The following SYT2 variants were observed in gnomAD, a reference collection of about 807,000 sequenced individuals.
The protein encoded by SYT2 is synaptotagmin-2.
SYT2 carries 15 observed loss-of-function variants against 39.9 expected under a neutral mutation model. That is an observed-to-expected ratio of 0.38 (90% CI 0.25 to 0.58). The LOEUF is 0.58. Among genes scored for constraint, SYT2 ranks in the 20% least tolerant of loss-of-function variants. SYT2 has a pLI of 0.70. For synonymous variants in SYT2, 181 were observed against 204.5 expected, an observed-to-expected ratio of 0.89 and a Z score of 0.98; for missense variants, 389 against 530.3, an observed-to-expected ratio of 0.73 and a Z score of 2.62.
chr1:202,640,784 GA>G (rs1691892465), intron 1 of SYT2, among the ~76,000 whole-genome samples: 1 of 128,208 alleles, frequency 7.8e-6, no homozygotes, highest in South Asian at 2.4e-4. Context: ...GAGAGAGAGA[GA>G]GAGAGAGACA....
intron 1 of SYT2, among the ~76,000 whole-genome samples, chr1:202,700,303 T>C (rs1654079701): frequency 6.6e-6 from 1 of 152,166 alleles, no homozygotes; most frequent in South Asian, 2.1e-4. Flanking sequence ...ATACAGAGAA[T>C]GCCCCCAGGT....
At position 202,596,963 on chromosome 1, in the gene SYT2, T is replaced by C. The variant is rs777807674; in HGVS notation, c.1054A>G (p.Lys352Glu). The change falls in exon 9 of 9, where the codon AAA becomes GAA. Residue 352 changes from lysine to glutamate, a missense_variant and splice_region_variant. By Grantham distance (56) the Lys-to-Glu change is moderately conservative. Transcript: ENST00000367268. ...AGCACGGTGACCACTACCTGGACTT[T>C]CTGCAAGGAAAACGAGGGAGGGAGT... ...SFEIPFEQIQ[K>E]VQVVVTVLDY... 1.1e-5 allele frequency: 18 copies of C among 1,612,222 alleles called. No homozygotes were observed. The highest frequency in any genetic ancestry group is 4.4e-5 in the South Asian group (4 of 91,004).
In SYT2 at chr1:202,674,512, CAT is replaced by C. The variant is rs565907475; in HGVS notation, c.-18+35744_-18+35745del. ...TGTGTAATATGATGTGATATGTACA[CAT>C]GTGTGAATATAGAAATATGAGCTTT... On this transcript the variant is annotated intron_variant, in intron 1 of 8. Transcript: ENST00000367268. Among the ~76,000 whole-genome samples the C allele has an allele frequency of 2.4e-3, 365 of 152,268 alleles. 1 individual carries two copies. Among genetic ancestry groups the C allele is most frequent in the African/African-American group, 5.5e-3 (228 of 41,534 alleles).
chr1:202,646,259 C>A (rs1440766207), intron 1 of SYT2, among the ~76,000 whole-genome samples: 1 of 152,218 alleles, frequency 6.6e-6, no homozygotes, highest in African/African-American at 2.4e-5. Context: ...CTCACTGTCT[C>A]CTTGCAGGGC....
rs58376514 is a variant in SYT2, at chr1:202,596,268, GACACACACACACACACAC to G, written c.*471_*488del. The G allele has an allele frequency of 5.4e-3, 642 of 119,578 alleles. 11 individuals carry two copies. The highest frequency in any genetic ancestry group is 0.019 in the African/African-American group (614 of 32,852). The allele number at this position is 119,578 out of a possible 1,614,324, so 7.4% of individuals were successfully genotyped here. The stretch of plus-strand genomic sequence containing the variant: ...CCAGGAATGAAGAGAAATGCTCAAA[GACACACACACACACACAC>G]ACACACACACACACACACACATACA... On this transcript the variant is annotated 3_prime_UTR_variant, in exon 9 of 9. Transcript: ENST00000367268.
intron 1 of SYT2, among the ~76,000 whole-genome samples, chr1:202,624,678 TTAG>T (rs936284305): frequency 5.3e-4 from 25 of 47,378 alleles, no homozygotes; most frequent in Middle Eastern, 0.029. Flanking sequence ...TGTGTGGTGT[TTAG>T]TAGTGTGTGT....
rs1558463272 is a variant in SYT2 at position 202,691,713 on chromosome 1, GAGGGAGAGGGAGAGGGGGGGAGAGA to G, written c.-18+18520_-18+18544del. 2.4e-4 allele frequency among the ~76,000 whole-genome samples: 14 copies of G among 59,168 alleles called. 1 individual carries two copies. The South Asian group carries it at 3.5e-3, about 15-fold the overall frequency. 38.8% of individuals were successfully genotyped at this position (59,168 alleles called of 152,430 possible). A position where few individuals can be genotyped will look rare whatever the true frequency, so the allele number is the denominator to read the frequency against. ...AGAGGGAGAGGGAGAGGGAGAGGGAGAGGGAGAGGGAGAGGGGGGGAGAGAGAGAGAGAGAGAGAGAGAGAGAGAG... is the reference window on the plus strand; with the variant it reads ...AGAGGGAGAGGGAGAGGGAGAGGGAGGAGAGAGAGAGAGAGAGAGAGAGAG... On this transcript the variant is annotated intron_variant, in intron 1 of 8. Coordinates refer to ENST00000367268, the MANE Select transcript of SYT2 (RefSeq NM_177402.5).
Position 202,601,923 on chromosome 1 carries a change from C to A in SYT2, c.768G>T (p.Glu256Asp), listed in dbSNP as rs148164573. 2 of 1,614,068 alleles carry A rather than the reference C, an allele frequency of 1.2e-6. No homozygotes were observed. The highest frequency in any genetic ancestry group is 1.7e-6 in the Non-Finnish European group (2 of 1,180,030). ...TTTCCCCGCCTTGCAGGTCTCTCCACTCCTCAATGGGCTGGCCGAGGTCCA... is the reference window on the plus strand; with the variant it reads ...TTTCCCCGCCTTGCAGGTCTCTCCAATCCTCAATGGGCTGGCCGAGGTCCA... ...NTVDLGQPIE[E>D]WRDLQGGEKE... Residue 256 changes from glutamate to aspartate, a missense_variant, in exon 6 of 9, where the codon GAG becomes GAT. Physicochemically the swap from Glu to Asp is conservative, Grantham distance 45. Coordinates refer to ENST00000367268, the MANE Select transcript of SYT2 (RefSeq NM_177402.5). The surrounding 1 kb of genome is among the most constrained non-coding windows in gnomAD (Gnocchi z 4.0).
At chr1:202,665,614 T>TG (rs55830845) in intron 1 of SYT2, among the ~76,000 whole-genome samples, 2,417 of 152,274 alleles carry the variant, frequency 0.016, 35 homozygotes, top group Middle Eastern at 0.044. Flanking sequence ...GTGGGGTCAT[T>TG]GCTTCATGAA....
chr1:202,680,653 A>C (rs1653501907), intron 1 of SYT2, among the ~76,000 whole-genome samples: 1 of 152,176 alleles, frequency 6.6e-6, no homozygotes, highest in Non-Finnish European at 1.5e-5. Context: ...CTACTTAACC[A>C]CACAATTGGC....
At chr1:202,658,731 T>C (rs531307614) in intron 1 of SYT2, among the ~76,000 whole-genome samples, 15 of 151,958 alleles carry the variant, frequency 9.9e-5, no homozygotes, top group African/African-American at 3.4e-4. Context: ...AGCCAAATGC[T>C]TTAAAAAAGG....
intron 2 of SYT2, 92 bp downstream of exon 2, chr1:202,605,503 C>T: frequency 1.6e-6 from 2 of 1,264,164 alleles, no homozygotes; most frequent in Non-Finnish European, 2.2e-6. Flanking sequence ...GGAAAGAGCC[C>T]AGCCAATCAC....
At chr1:202,709,620 G>A (rs1654342079) in intron 1 of SYT2, among the ~76,000 whole-genome samples, 1 of 152,094 alleles carries the variant, frequency 6.6e-6, no homozygotes, top group African/African-American at 2.4e-5. Context: ...AGGTCGTGCT[G>A]AGTCATGAGA....
chr1:202,620,275 AG>A (rs1691168361), intron 1 of SYT2, among the ~76,000 whole-genome samples: 1 of 152,194 alleles, frequency 6.6e-6, no homozygotes, highest in African/African-American at 2.4e-5. Flanking sequence ...CAGGGCTGGG[AG>A]CAATGGGTCC....
chr1:202,639,787 C>G (rs72644166), intron 1 of SYT2: 1 of 985,364 alleles, frequency 1.0e-6, no homozygotes, highest in South Asian at 4.7e-5. Context: ...ACTCCTGGAG[C>G]CTGAGGCCAG....
rs116710128 is a variant in SYT2, at chr1:202,691,664, C to T, written c.-18+18594G>A. 4.3e-3 allele frequency among the ~76,000 whole-genome samples: 499 copies of T among 116,812 alleles called. 5 individuals are homozygous for T. The highest frequency in any genetic ancestry group is 0.015 in the African/African-American group (474 of 30,866). 76.6% of individuals were successfully genotyped at this position (116,812 alleles called of 152,430 possible). A position where few individuals can be genotyped will look rare whatever the true frequency, so the allele number is the denominator to read the frequency against. On this transcript the variant is annotated intron_variant, in intron 1 of 8. Coordinates refer to ENST00000367268, the MANE Select transcript of SYT2 (RefSeq NM_177402.5). Reference sequence around the variant, plus strand: ...GACCCTGTCTCAAAAAGGGAGGGAGCGAGAGGGGGAGGGAGCGAGGGGGAG... The same window carrying T: ...GACCCTGTCTCAAAAAGGGAGGGAGTGAGAGGGGGAGGGAGCGAGGGGGAG...
At chr1:202,690,195 A>G (rs371403610) in intron 1 of SYT2, among the ~76,000 whole-genome samples, 10 of 152,156 alleles carry the variant, frequency 6.6e-5, no homozygotes, top group East Asian at 5.8e-4. Flanking sequence ...CCACCTCTGA[A>G]AAGTGTATGC....
chr1:202,708,000 G>C (rs1377777462), intron 1 of SYT2, among the ~76,000 whole-genome samples: 3 of 152,182 alleles, frequency 2.0e-5, no homozygotes, highest in Non-Finnish European at 2.9e-5. Context: ...GTGAGGGCAG[G>C]TGAGCCCAGA....
intron 1 of SYT2, among the ~76,000 whole-genome samples, chr1:202,692,445 G>T (rs1653860591): frequency 1.3e-5 from 2 of 152,224 alleles, no homozygotes; most frequent in African/African-American, 4.8e-5. Context: ...GGAGAAAGAT[G>T]CAAGGCGCTG....
Sources: gnomAD v4.1 joint callset for allele counts (sites outside exome capture counted in the v4.1 genomes callset) on GRCh38, gnomAD v4.1.1 for gene constraint, Gnocchi (gnomAD v3.1) non-coding constraint, MANE v1.5 for transcripts, NCBI Gene and HGNC (gene_info 2026-07-23, HGNC 2026-07-21) for gene names.